The following IFT81 variants were observed in gnomAD, a reference collection of about 807,000 sequenced individuals.
IFT81 encodes the protein intraflagellar transport 81, also known as intraflagellar transport protein 81 homolog.
IFT81 carries 72 observed loss-of-function variants against 102.6 expected under a neutral mutation model. The observed-to-expected ratio is 0.70, with a 90% CI of 0.58 to 0.85. The LOEUF is 0.85. Ranked by LOEUF, IFT81 falls within the 40% of genes least tolerant of loss-of-function variation. The probability of loss-of-function intolerance (pLI) is 0.00; values close to 1 mark genes in which losing one functional copy is unlikely to be tolerated. For missense variants in IFT81, 723 were observed against 787.3 expected (o/e 0.92, Z 0.98); for synonymous variants, 237 against 242.7 (o/e 0.98, Z 0.22).
At chr12:110,178,708 C>T (rs1408227272) in intron 11 of IFT81, among the ~76,000 whole-genome samples, 13 of 128,698 alleles carry the variant, frequency 1.0e-4, no homozygotes, top group African/African-American at 1.8e-4. Context: ...CTCCGCCTCC[C>T]GGGTTCAAGC....
chr12:110,146,340 G>A (rs953113577), intron 9 of IFT81, among the ~76,000 whole-genome samples: 13 of 152,308 alleles, frequency 8.5e-5, no homozygotes, highest in Middle Eastern at 3.4e-3. Flanking sequence ...CAGGAAGGGT[G>A]TTATCCCTGT....
chr12:110,173,440 G>A (rs544793402), intron 11 of IFT81, among the ~76,000 whole-genome samples: 5 of 152,314 alleles, frequency 3.3e-5, no homozygotes, highest in African/African-American at 1.2e-4. Flanking sequence ...CCTCTGCCCG[G>A]CCACCATCCC....
chr12:110,135,354 A>T lies in IFT81; in HGVS notation c.613A>T (p.Met205Leu). ...TGAGACAGCTCAGAATCATCAATGG[A>T]TGCTTAAAATAGCAAGGCAACTTCG... ...RVETAQNHQW[M>L]LKIARQLRVE... Residue 205 changes from methionine to leucine, a missense_variant, in exon 7 of 19, where the codon ATG becomes TTG. Transcript: ENST00000242591. 1 of 1,612,858 alleles carries T rather than the reference A, an allele frequency of 6.2e-7. No individual in the cohort carries two copies. Among genetic ancestry groups the T allele is most frequent in the Non-Finnish European group, 8.5e-7 (1 of 1,179,154 alleles).
chr12:110,194,746 A>G (rs953009636), intron 14 of IFT81, among the ~76,000 whole-genome samples: 1 of 152,242 alleles, frequency 6.6e-6, no homozygotes, highest in African/African-American at 2.4e-5. Context: ...TCCCCAGCAC[A>G]TGACTTAACA....
intron 8 of IFT81, among the ~76,000 whole-genome samples, chr12:110,142,648 T>A (rs756430723): frequency 6.1e-4 from 93 of 151,912 alleles, no homozygotes; most frequent in Admixed American, 2.0e-3. Flanking sequence ...CCCAGCACTT[T>A]GAGAGGCTGA....
At chr12:110,214,205 C>G (rs1459593363) in intron 18 of IFT81, among the ~76,000 whole-genome samples, 1 of 150,850 alleles carries the variant, frequency 6.6e-6, no homozygotes, top group Non-Finnish European at 1.5e-5. Context: ...TATAAACATT[C>G]ATTTGTATAA....
Position 110,160,015 on chromosome 12 carries a change from A to G in IFT81, c.1042-2904A>G, listed in dbSNP as rs148878021. On this transcript the variant is annotated intron_variant, in intron 10 of 18. Coordinates refer to ENST00000242591, the MANE Select transcript of IFT81 (RefSeq NM_014055.4). ...CACCAGAGAAACTGTTCACTAGGTG[A>G]GGAGACAGATTTTGGGTGCTTCCTA... 9.2e-3 allele frequency among the ~76,000 whole-genome samples: 1,398 copies of G among 152,312 alleles called. 18 individuals carry two copies. Among genetic ancestry groups the G allele is most frequent in the African/African-American group, 0.031 (1,298 of 41,560 alleles).
rs552791061 is a variant in IFT81 at position 110,152,233 on chromosome 12, G to A, written c.1041+5185G>A. ...TTAATTTTTGAGGACCCTCCATACT[G>A]TTTTCTATAATGGCTATACTAATTT... On this transcript the variant is annotated intron_variant, in intron 10 of 18. Coordinates refer to ENST00000242591, the MANE Select transcript of IFT81 (RefSeq NM_014055.4). 5.3e-5 allele frequency among the ~76,000 whole-genome samples: 8 copies of A among 152,192 alleles called. No homozygotes were observed. The East Asian group carries it at 1.5e-3, about 29-fold the overall frequency.
In IFT81 at chr12:110,190,996, A is replaced by G; in HGVS notation, c.1415A>G (p.Lys472Arg). The G allele has an allele frequency of 6.2e-7, 1 of 1,610,382 alleles. No homozygotes were observed. Among genetic ancestry groups the G allele is most frequent in the Non-Finnish European group, 8.5e-7 (1 of 1,178,402 alleles). ...QEELERVSALKSEVDEMKGRT... is the reference protein window; with the variant it reads ...QEELERVSALRSEVDEMKGRT... Reference sequence around the variant, plus strand: ...GAGCTAGAAAGAGTATCTGCACTGAAGAGTGAAGTTGATGAAATGAAAGGA... The same window carrying G: ...GAGCTAGAAAGAGTATCTGCACTGAGGAGTGAAGTTGATGAAATGAAAGGA... The change falls in exon 13 of 19, where the codon AAG becomes AGG. Residue 472 changes from lysine (K) to arginine (R), a missense_variant. Lys to Arg is a conservative substitution (Grantham distance 26). Coordinates refer to ENST00000242591, the MANE Select transcript of IFT81 (RefSeq NM_014055.4).
chr12:110,149,274 G>A (rs1895389081), intron 10 of IFT81, among the ~76,000 whole-genome samples: 1 of 152,162 alleles, frequency 6.6e-6, no homozygotes, highest in Non-Finnish European at 1.5e-5. Context: ...CCCATCGCAG[G>A]GCATGTGACA....
At chr12:110,173,045 C>T (rs1361032695) in intron 11 of IFT81, among the ~76,000 whole-genome samples, 1 of 148,242 alleles carries the variant, frequency 6.7e-6, no homozygotes, top group African/African-American at 2.5e-5. Flanking sequence ...AGGGGCGCCT[C>T]TGCCCAGCTG....
Position 110,203,924 on chromosome 12 carries a change from G to C in IFT81, c.1618G>C (p.Glu540Gln). Reference sequence around the variant, plus strand: ...GTATGATAGCTGTGCAGCAGGCCTCGAAAGCAATCGGTCCAAATTAGAACA... The same window carrying C: ...GTATGATAGCTGTGCAGCAGGCCTCCAAAGCAATCGGTCCAAATTAGAACA... ...SQYDSCAAGL[E>Q]SNRSKLEQEV... The change falls in exon 15 of 19, where the codon GAA becomes CAA. Residue 540 changes from glutamate (E) to glutamine (Q), a missense_variant. Transcript: ENST00000242591. 6.2e-7 allele frequency: 1 copy of C among 1,613,226 alleles called. No individual in the cohort carries two copies. Among genetic ancestry groups the C allele is most frequent in the South Asian group, 1.1e-5 (1 of 91,046 alleles).
At chr12:110,134,776 A>G (rs1894380807) in intron 5 of IFT81, among the ~76,000 whole-genome samples, 172 bp from the exon 6 acceptor site, 1 of 152,224 alleles carries the variant, frequency 6.6e-6, no homozygotes, top group Admixed American at 6.5e-5. Flanking sequence ...ACCCTGCATA[A>G]GAAGCCCTGG....
chr12:110,173,619 A>C (rs1896892105), intron 11 of IFT81, among the ~76,000 whole-genome samples: 1 of 152,240 alleles, frequency 6.6e-6, no homozygotes, highest in African/African-American at 2.4e-5. Flanking sequence ...TTCTGTACTA[A>C]GAAAAATTCT....
intron 18 of IFT81, among the ~76,000 whole-genome samples, chr12:110,209,768 C>CAA (rs774458929): frequency 8.5e-4 from 51 of 60,020 alleles, no homozygotes; most frequent in East Asian, 2.6e-3. Context: ...TACTCCATCT[C>CAA]AAAAAAAAAA....
At chr12:110,175,650 A>C (rs1001421557) in intron 11 of IFT81, among the ~76,000 whole-genome samples, 2 of 152,200 alleles carry the variant, frequency 1.3e-5, no homozygotes, top group African/African-American at 4.8e-5. Flanking sequence ...TAGAATATGT[A>C]TAGTGTCTGC....
At chr12:110,140,584 T>C (rs2137345626) in intron 8 of IFT81, among the ~76,000 whole-genome samples, 1 of 152,314 alleles carries the variant, frequency 6.6e-6, no homozygotes, top group African/African-American at 2.4e-5. Flanking sequence ...TCTAATTACA[T>C]GGGGTACACT....
intron 9 of IFT81, among the ~76,000 whole-genome samples, chr12:110,143,755 CAATT>C (rs1190909060): frequency 6.6e-6 from 1 of 151,764 alleles, no homozygotes; most frequent in Non-Finnish European, 1.5e-5. Context: ...AAAACATAAT[CAATT>C]GATTAGCAAA....
chr12:110,200,921 G>T (rs1235961205), intron 14 of IFT81, among the ~76,000 whole-genome samples: 1 of 151,834 alleles, frequency 6.6e-6, no homozygotes, highest in Non-Finnish European at 1.5e-5. Flanking sequence ...CTGCACTCCA[G>T]CCTGGGCGAC....
Sources: allele counts gnomAD v4.1 joint callset (sites outside exome capture counted in the v4.1 genomes callset), GRCh38; gene constraint gnomAD v4.1.1; transcripts MANE v1.5; gene names NCBI Gene and HGNC (gene_info 2026-07-23, HGNC 2026-07-21).